Variants in TRPC7 observed in about 807,000 individuals in gnomAD.
TRPC7 encodes transient receptor potential cation channel subfamily C member 7, also known as short transient receptor potential channel 7.
TRPC7 carries 42 observed loss-of-function variants against 90.1 expected under a neutral mutation model. The ratio of observed to expected loss-of-function variants is 0.47; its 90% CI spans 0.36 to 0.60. The LOEUF (loss-of-function observed/expected upper bound fraction) is 0.60, where lower values mean the gene tolerates loss of function less well. TRPC7 is among the 20% of genes least tolerant of loss of function. The pLI is 0.00. For missense variants in TRPC7, 955 were observed against 1,112.3 expected, an observed-to-expected ratio of 0.86 and a Z score of 2.01; for synonymous variants, 451 against 436.3, an observed-to-expected ratio of 1.03 and a Z score of -0.42.
At chr5:136,272,622 G>A (rs540447062) in intron 4 of TRPC7, among the ~76,000 whole-genome samples, 19 of 152,220 alleles carry the variant, frequency 1.2e-4, no homozygotes, top group Non-Finnish European at 2.4e-4. Flanking sequence ...AGTCACAGAA[G>A]TGACAAGTGG....
rs765070960 is a variant in TRPC7 at position 136,213,372 on chromosome 5, G to A, written c.*63C>T. Reference sequence around the variant, plus strand: ...GGGGACCCCTCCCCACCAAGGATGGGGGCGAGGGCATCCAACCTGGCCTTG... The same window carrying A: ...GGGGACCCCTCCCCACCAAGGATGGAGGCGAGGGCATCCAACCTGGCCTTG... On this transcript the variant is annotated 3_prime_UTR_variant, in exon 12 of 12. Transcript: ENST00000513104. 2.4e-5 allele frequency: 38 copies of A among 1,562,198 alleles called. No homozygotes were observed. The highest frequency in any genetic ancestry group is 3.0e-5 in the Non-Finnish European group (34 of 1,145,924).
chr5:136,296,426 C>A (rs1758173647), intron 3 of TRPC7, among the ~76,000 whole-genome samples: 1 of 151,936 alleles, frequency 6.6e-6, no homozygotes, highest in Admixed American at 6.6e-5. Flanking sequence ...AGTAGCCCCA[C>A]TCTCAGAAAT....
intron 3 of TRPC7, among the ~76,000 whole-genome samples, chr5:136,289,353 C>T (rs10479117): frequency 0.12 from 18,391 of 152,278 alleles, 1,156 homozygotes; most frequent in African/African-American, 0.14. Context: ...GGCATCGCCT[C>T]ACCTGGGAAG....
chr5:136,249,998 T>A (rs144661367), intron 6 of TRPC7, among the ~76,000 whole-genome samples: 1 of 152,330 alleles, frequency 6.6e-6, no homozygotes, highest in East Asian at 1.9e-4. Context: ...ATACAACCCA[T>A]AAAGCAACAG....
In TRPC7 at chr5:136,357,312, T is replaced by G. The variant is rs749813863; in HGVS notation, c.76A>C (p.Ile26Leu). Residue 26 changes from isoleucine to leucine, a missense_variant, in exon 2 of 12, where the codon ATC becomes CTC. Ile to Leu is a conservative substitution (Grantham distance 5, BLOSUM62 2). Coordinates refer to ENST00000513104, the MANE Select transcript of TRPC7 (RefSeq NM_020389.3). Reference sequence around the variant, plus strand: ...TTGAACATGTAGGCGGGACCCCGGATGGCCTGGCGACGGCCCTTCTCCCTC... The same window carrying G: ...TTGAACATGTAGGCGGGACCCCGGAGGGCCTGGCGACGGCCCTTCTCCCTC... Reference protein sequence around the residue: ...TLREKGRRQAIRGPAYMFNEK... With the variant: ...TLREKGRRQALRGPAYMFNEK... The G allele has an allele frequency of 4.3e-6, 7 of 1,609,404 alleles. No individual in the cohort carries two copies. Among genetic ancestry groups the G allele is most frequent in the Non-Finnish European group, 2.5e-6 (3 of 1,179,862 alleles).
chr5:136,230,516 T>C (rs186593864), intron 8 of TRPC7, among the ~76,000 whole-genome samples: 2 of 152,314 alleles, frequency 1.3e-5, no homozygotes, highest in African/African-American at 4.8e-5. Context: ...CCACTGTAAC[T>C]TGAAGGTCTT....
intron 2 of TRPC7, among the ~76,000 whole-genome samples, chr5:136,323,867 T>C (rs1305559119): frequency 6.6e-6 from 1 of 152,218 alleles, no homozygotes; most frequent in Non-Finnish European, 1.5e-5. Flanking sequence ...CAAGAAGTTC[T>C]GCTGAACTGT....
In TRPC7 at chr5:136,349,086, A is replaced by G. The variant is rs532698830; in HGVS notation, c.780+7522T>C. On this transcript the variant is annotated intron_variant, in intron 2 of 11. Transcript: ENST00000513104. ...AATCTTTTCCACGGAGATATTTTTC[A>G]AAAAATAATCTCTGTATTTGTCAGG... Among the ~76,000 whole-genome samples, 17 of 152,056 alleles carry G rather than the reference A, an allele frequency of 1.1e-4. No individual in the cohort carries two copies. In the South Asian group the frequency reaches 3.5e-3, roughly 32 times the overall value.
chr5:136,345,421 C>T lies in TRPC7; in HGVS notation c.780+11187G>A, dbSNP rs144093285. ...AAATACAAAAATACAAAAATACGGGCGTGGTGGCAGGCGCCTGTAATCCTA... is the reference window on the plus strand; with the variant it reads ...AAATACAAAAATACAAAAATACGGGTGTGGTGGCAGGCGCCTGTAATCCTA... On this transcript the variant is annotated intron_variant, in intron 2 of 11. Transcript: ENST00000513104. Among the ~76,000 whole-genome samples, 916 of 152,060 alleles carry T rather than the reference C, an allele frequency of 6.0e-3. 7 individuals carry two copies. The highest frequency in any genetic ancestry group is 0.021 in the African/African-American group (858 of 41,470).
intron 2 of TRPC7, among the ~76,000 whole-genome samples, chr5:136,342,063 CT>C (rs1384407802): frequency 6.6e-6 from 1 of 152,116 alleles, no homozygotes; most frequent in East Asian, 1.9e-4. Context: ...TTATTCATGC[CT>C]TGTTGGCTTT....
At chr5:136,316,624 G>A (rs1391313283) in intron 2 of TRPC7, among the ~76,000 whole-genome samples, 1 of 152,104 alleles carries the variant, frequency 6.6e-6, no homozygotes, top group Non-Finnish European at 1.5e-5. Context: ...GTCTTTGAGA[G>A]GCTAACTTCC....
chr5:136,325,483 T>C (rs947403441), intron 2 of TRPC7, among the ~76,000 whole-genome samples: 26 of 152,258 alleles, frequency 1.7e-4, no homozygotes, highest in African/African-American at 6.0e-4. Flanking sequence ...GGAGAAACTA[T>C]GATATTTTGT....
chr5:136,270,738 CCTGGGCTAAGT>C (rs1201304320), intron 4 of TRPC7, among the ~76,000 whole-genome samples: 7 of 152,266 alleles, frequency 4.6e-5, no homozygotes, highest in South Asian at 2.1e-4. Flanking sequence ...CAGGGCTCAG[CCTGGGCTAAGT>C]CTGGGCTAAG....
chr5:136,317,177 A>G (rs1759050288), intron 2 of TRPC7, among the ~76,000 whole-genome samples: 1 of 152,062 alleles, frequency 6.6e-6, no homozygotes, highest in Non-Finnish European at 1.5e-5. Context: ...TGGAAAAATG[A>G]CCTCTCGGCT....
At position 136,218,317 on chromosome 5, in the gene TRPC7, G is replaced by GA. The variant is rs964380799; in HGVS notation, c.2344-2043dup. On this transcript the variant is annotated intron_variant, in intron 10 of 11. Coordinates refer to ENST00000513104, the MANE Select transcript of TRPC7 (RefSeq NM_020389.3). The stretch of plus-strand genomic sequence containing the variant: ...AACTTTGTCCTAAACTAGTTCTCAT[G>GA]AAAAAAAAAATAACAAAACAGACAC... 7.4e-4 allele frequency among the ~76,000 whole-genome samples: 109 copies of GA among 147,554 alleles called. No individual in the cohort carries two copies. The East Asian group carries it at 0.01, about 14-fold the overall frequency.
At chr5:136,271,031 G>T (rs761634332) in intron 4 of TRPC7, among the ~76,000 whole-genome samples, 5 of 152,142 alleles carry the variant, frequency 3.3e-5, no homozygotes, top group Non-Finnish European at 5.9e-5. Flanking sequence ...GAACCACATG[G>T]TTTGAGGACC....
intron 2 of TRPC7, among the ~76,000 whole-genome samples, chr5:136,354,938 T>A (rs886994009): frequency 1.3e-5 from 2 of 152,216 alleles, no homozygotes; most frequent in East Asian, 3.8e-4. Flanking sequence ...CCCAATTACA[T>A]CTCCTTTGAG....
intron 2 of TRPC7, among the ~76,000 whole-genome samples, chr5:136,331,760 C>A (rs992617392): frequency 6.6e-6 from 1 of 152,104 alleles, no homozygotes; most frequent in Admixed American, 6.5e-5. Flanking sequence ...TGGGTTATTG[C>A]TCACCCAAGG....
intron 8 of TRPC7, among the ~76,000 whole-genome samples, chr5:136,230,582 A>C (rs1755784969): frequency 6.6e-6 from 1 of 152,226 alleles, no homozygotes; most frequent in Admixed American, 6.5e-5. Flanking sequence ...ATTGCACAGC[A>C]TCCCATTTTT....
Sources: gnomAD v4.1 joint callset for allele counts (sites outside exome capture counted in the v4.1 genomes callset) on GRCh38, gnomAD v4.1.1 for gene constraint, MANE v1.5 for transcripts, NCBI Gene and HGNC (gene_info 2026-07-23, HGNC 2026-07-21) for gene names.